The following GAREM2 variants were observed in gnomAD, a reference collection of about 807,000 sequenced individuals.
GAREM2 encodes GRB2 associated regulator of MAPK1 subtype 2, also known as GRB2-associated and regulator of MAPK protein 2.
GAREM2 carries 30 observed loss-of-function variants against 55.6 expected under a neutral mutation model. That is an observed-to-expected ratio of 0.54 (90% confidence interval 0.40 to 0.73). The LOEUF (loss-of-function observed/expected upper bound fraction) is 0.73. Ranked by LOEUF, GAREM2 falls within the 30% of genes least tolerant of loss-of-function variation. The probability of loss-of-function intolerance (pLI) is 0.00; values close to 1 mark genes in which losing one functional copy is unlikely to be tolerated. For synonymous variants in GAREM2, 550 were observed against 569.1 expected, an observed-to-expected ratio of 0.97 and a Z score of 0.48; for missense variants, 1,075 against 1,257.7, an observed-to-expected ratio of 0.85 and a Z score of 2.20.
chr2:26,176,716 T>TA (rs879911965), intron 2 of GAREM2, among the ~76,000 whole-genome samples: 110 of 152,256 alleles, frequency 7.2e-4, no homozygotes, highest in Admixed American at 2.1e-3. Context: ...AACTAATGAT[T>TA]AAAAAATACC....
chr2:26,182,076 G>C, intron 2 of GAREM2: 1 of 1,053,586 alleles, frequency 9.5e-7, no homozygotes, highest in Non-Finnish European at 1.1e-6. Flanking sequence ...CTTGAGAAGA[G>C]GCCATCCATC....
rs1463960269 is a variant in GAREM2 at position 26,187,595 on chromosome 2, G to A, written c.1963G>A (p.Gly655Ser). Residue 655 changes from glycine to serine, a missense_variant, in exon 6 of 6, where the codon GGT (glycine) becomes AGT (serine). Physicochemically the swap from Gly to Ser is moderately conservative, Grantham distance 56. Around this residue, in one of 6 missense-constraint regions of GAREM2, gnomAD observed 515 missense variants for 501.5 expected, o/e 1.03. Transcript: ENST00000401533. ...ALSSGPRTTS[G>S]PVATSGPAYS... The stretch of plus-strand genomic sequence containing the variant: ...GTCTTCTGGGCCCAGAACCACCTCG[G>A]GTCCTGTGGCTACCTCTGGCCCTGC... The A allele has an allele frequency of 1.9e-6, 3 of 1,549,284 alleles. No individual in the cohort carries two copies. The highest frequency in any genetic ancestry group is 1.4e-5 in the African/African-American group (1 of 72,998).
chr2:26,185,371 T>G (rs1574593680), intron 4 of GAREM2, 95 bp downstream of exon 4: 1 of 1,386,162 alleles, frequency 7.2e-7, no homozygotes, highest in Non-Finnish European at 9.3e-7. Flanking sequence ...GCAGACGAGG[T>G]GTCTTCCTCG....
At chr2:26,197,863 GCCCAGCCCACTCTGTCCCC>G in the GAREM2 span, 54 of 779,400 alleles carry the variant, frequency 6.9e-5, no homozygotes, top group East Asian at 1.3e-3. Flanking sequence ...TGACACCTGG[GCCCAGCCCACTCTGTCCCC>G]CACAACTGCT....
At chr2:26,190,052 G>C (rs914840349), downstream of GAREM2, among the ~76,000 whole-genome samples, 2 of 152,216 alleles carry the variant, frequency 1.3e-5, no homozygotes, top group African/African-American at 2.4e-5. Flanking sequence ...TGGTGCAAGG[G>C]ATCAGCTCCC....
chr2:26,201,435 A>G, the GAREM2 span: 1 of 704,680 alleles, frequency 1.4e-6, no homozygotes, highest in African/African-American at 1.8e-5. Context: ...TAGTTATTCT[A>G]TTACTCCCAT....
the GAREM2 span, among the ~76,000 whole-genome samples, chr2:26,200,492 C>G: frequency 1.3e-5 from 2 of 152,204 alleles, no homozygotes; most frequent in African/African-American, 4.8e-5. Flanking sequence ...GACGAACTGT[C>G]TTCCCTATTT....
At chr2:26,197,375 C>T in the GAREM2 span, among the ~76,000 whole-genome samples, 1 of 152,318 alleles carries the variant, frequency 6.6e-6, no homozygotes, top group East Asian at 1.9e-4. Flanking sequence ...TGCTCTGTAG[C>T]CAAACTGGTA....
chr2:26,191,115 T>G (rs1270807211), downstream of GAREM2: 4 of 874,746 alleles, frequency 4.6e-6, no homozygotes, highest in Non-Finnish European at 7.4e-6. Context: ...CTGAAGGCAC[T>G]TTAATCAGGG....
intron 2 of GAREM2, among the ~76,000 whole-genome samples, chr2:26,176,952 C>T (rs770397272): frequency 5.9e-5 from 9 of 152,080 alleles, no homozygotes; most frequent in African/African-American, 9.7e-5. Context: ...CCAATTTTTG[C>T]GTTAAACCTA....
intron 2 of GAREM2, chr2:26,181,188 A>G (rs1329048490): frequency 2.1e-6 from 2 of 955,948 alleles, no homozygotes; most frequent in Non-Finnish European, 1.2e-6. Flanking sequence ...GTACAGAATA[A>G]AGCTTTACTG....
chr2:26,184,834 G>C lies in GAREM2; in HGVS notation c.986G>C (p.Gly329Ala). 6.7e-7 allele frequency: 1 copy of C among 1,481,716 alleles called. No homozygotes were observed. The highest frequency in any genetic ancestry group is 8.9e-7 in the Non-Finnish European group (1 of 1,124,732). 91.8% of individuals were successfully genotyped at this position (1,481,716 alleles called of 1,614,324 possible). Residue 329 changes from glycine to alanine, a missense_variant, in exon 4 of 6, where the codon GGC (glycine) becomes GCC (alanine). Physicochemically the swap from Gly to Ala is moderately conservative, Grantham distance 60. Around this residue, in one of 6 missense-constraint regions of GAREM2, gnomAD observed 170 missense variants for 220.7 expected, o/e 0.77. Transcript: ENST00000401533. ...TDTPRFALPQ[G>A]LLAGDPRVER... ...ACGCCGCGCTTCGCGCTGCCGCAGG[G>C]CCTGCTGGCCGGGGACCCGCGCGTC...
the GAREM2 span, chr2:26,195,170 G>C: frequency 2.5e-6 from 4 of 1,611,454 alleles, no homozygotes; most frequent in South Asian, 2.2e-5. Flanking sequence ...AAGTTTTCTC[G>C]GTCGTGATAA....
At chr2:26,191,751 C>A (rs1008724130), downstream of GAREM2, 3 of 975,332 alleles carry the variant, frequency 3.1e-6, no homozygotes, top group African/African-American at 3.2e-5. Context: ...TTGGTGCTGG[C>A]CCTCAGAGAA....
rs748881725 is a variant in GAREM2, at chr2:26,184,242, G to A, written c.394G>A (p.Gly132Ser). 1.3e-6 allele frequency: 2 copies of A among 1,550,178 alleles called. No homozygotes were observed. The highest frequency in any genetic ancestry group is 1.7e-6 in the Non-Finnish European group (2 of 1,146,202). ...TCTCTGGGATCCCCAGGTGGTGTCG[G>A]GCGAGTTCAGCGAGGACAGCGAGGT... ...AITFSVKVVS[G>S]EFSEDSEVYN... Residue 132 changes from glycine to serine, a missense_variant, in exon 4 of 6, where the codon GGC becomes AGC. Around this residue, in one of 6 missense-constraint regions of GAREM2, gnomAD observed 230 missense variants for 310.6 expected, o/e 0.74. Coordinates refer to ENST00000401533, the MANE Select transcript of GAREM2 (RefSeq NM_001168241.2).
At chr2:26,201,961 A>AT in the GAREM2 span, among the ~76,000 whole-genome samples, 1,251 of 137,196 alleles carry the variant, frequency 9.1e-3, 13 homozygotes, top group African/African-American at 0.029. Context: ...CGCCTGGCTA[A>AT]TTTTTTTTTT....
chr2:26,178,889 A>AGGCGGAGGAGGAGGCGGAGGCGGAGGC lies in GAREM2; in HGVS notation c.253+2407_253+2408insCGGAGGAGGAGGCGGAGGCGGAGGCGG, dbSNP rs59398334. ...GTCCGCCCGCACGGGGGAGGGGAGG[A>AGGCGGAGGAGGAGGCGGAGGCGGAGGC]GGAGGCGGAGGCGGAGGCAGAGGCC... On this transcript the variant is annotated intron_variant, in intron 2 of 5. Coordinates refer to ENST00000401533, the MANE Select transcript of GAREM2 (RefSeq NM_001168241.2). 8.2e-4 allele frequency among the ~76,000 whole-genome samples: 123 copies of AGGCGGAGGAGGAGGCGGAGGCGGAGGC among 149,816 alleles called. 1 individual carries two copies. Among genetic ancestry groups the AGGCGGAGGAGGAGGCGGAGGCGGAGGC allele is most frequent in the African/African-American group, 2.9e-3 (119 of 40,428 alleles).
chr2:26,180,232 C>T (rs1669001081), intron 2 of GAREM2, among the ~76,000 whole-genome samples: 1 of 152,214 alleles, frequency 6.6e-6, no homozygotes, highest in African/African-American at 2.4e-5. Context: ...CTCTGCTCCT[C>T]TAACCCTGCA....
rs1395403403 is a variant in GAREM2, at chr2:26,187,408, C to T, written c.1776C>T (p.Ser592=). The T allele has an allele frequency of 1.2e-5, 19 of 1,546,870 alleles. No homozygotes were observed. The highest frequency in any genetic ancestry group is 5.5e-5 in the African/African-American group (4 of 72,950). The stretch of plus-strand genomic sequence containing the variant: ...CCCGGGCCCTCACAGAGCCTCTGAG[C>T]GGTCGAGCCGCCTCCCTTCTGGGGG... ...QASRALTEPL[S]GRAASLLGAD... is the part of the protein sequence containing the mutation. The change falls in exon 6 of 6, where the codon AGC becomes AGT. Residue 592 remains serine, a synonymous_variant. Transcript: ENST00000401533.
Sources: gnomAD v4.1 joint callset for allele counts (sites outside exome capture counted in the v4.1 genomes callset) on GRCh38, gnomAD v4.1.1 for gene constraint, gnomAD v4.1.1 regional missense constraint, MANE v1.5 for transcripts, NCBI Gene and HGNC (gene_info 2026-07-23, HGNC 2026-07-21) for gene names.